Variants in MID1 observed in about 807,000 individuals in gnomAD.
The protein encoded by MID1 is E3 ubiquitin-protein ligase Midline-1.
In MID1, 7 loss-of-function variants were observed where a neutral mutation model predicts 40.4. The ratio of observed to expected loss-of-function variants is 0.17; its 90% CI spans 0.10 to 0.33. The LOEUF is 0.33. Among genes scored for constraint, MID1 ranks in the 10% least tolerant of loss-of-function variants. The pLI is 1.00. For missense variants in MID1, 367 were observed against 558.5 expected (o/e 0.66, Z 3.46); for synonymous variants, 229 against 221.2 (o/e 1.04, Z -0.31).
At chrX:10,716,741 G>A (rs2043306794) in intron 1 of MID1, among the ~76,000 whole-genome samples, 1 of 111,419 alleles carries the variant, frequency 9.0e-6, no homozygotes, top group South Asian at 3.8e-4. Context: ...ACACATAATT[G>A]TCAGATTCAC....
rs183385106 is a variant in MID1 at position 10,586,798 on chromosome X, G to C, written c.-56-19195C>G. On this transcript the variant is annotated intron_variant, in intron 1 of 9. Coordinates refer to ENST00000317552, the MANE Select transcript of MID1 (RefSeq NM_000381.4). ...CCCGTCTAGTTGTTTTGAGAGATAG[G>C]CCACTGGCCTTGGCCAGGGCCTTAC... Among the ~76,000 whole-genome samples, 447 of 112,746 alleles carry C rather than the reference G, an allele frequency of 4.0e-3. 1 individual carries two copies. Among genetic ancestry groups the C allele is most frequent in the Non-Finnish European group, 6.2e-3 (333 of 53,334 alleles).
At chrX:10,814,198 C>T (rs2147154467) in intron 1 of MID1, among the ~76,000 whole-genome samples, 1 of 111,701 alleles carries the variant, frequency 9.0e-6, no homozygotes, top group African/African-American at 3.3e-5. Flanking sequence ...CCAATCCCTG[C>T]TCCAGAGGAT....
chrX:10,650,860 T>C (rs1438753272), intron 1 of MID1, among the ~76,000 whole-genome samples: 1 of 110,769 alleles, frequency 9.0e-6, no homozygotes, highest in Non-Finnish European at 1.9e-5. Context: ...CCTTTGCCCC[T>C]ACAACCTTGA....
At chrX:10,657,409 A>T (rs1479831729) in intron 1 of MID1, among the ~76,000 whole-genome samples, 1 of 111,701 alleles carries the variant, frequency 9.0e-6, no homozygotes. Flanking sequence ...ATCTATGGAG[A>T]TGGTAACAAT....
At chrX:10,661,675 TA>T (rs2042914368) in intron 1 of MID1, among the ~76,000 whole-genome samples, 1 of 111,890 alleles carries the variant, frequency 8.9e-6, no homozygotes, top group African/African-American at 3.2e-5. Flanking sequence ...TCATACCTAA[TA>T]AAAATATATT....
intron 1 of MID1, among the ~76,000 whole-genome samples, chrX:10,740,447 A>G (rs1232013068): frequency 8.9e-6 from 1 of 112,627 alleles, no homozygotes; most frequent in Non-Finnish European, 1.9e-5. Flanking sequence ...GTGATGCCAT[A>G]TGACTGACGG....
At chrX:10,543,432 T>C (rs1236775396) in intron 2 of MID1, among the ~76,000 whole-genome samples, 1 of 111,939 alleles carries the variant, frequency 8.9e-6, no homozygotes, top group South Asian at 3.8e-4. Flanking sequence ...GCAGTAACAA[T>C]AGCAGCTACC....
rs770764670 is a variant in MID1 at position 10,463,633 on chromosome X, C to T, written c.1286-3826G>A. On this transcript the variant is annotated intron_variant, in intron 7 of 9. Coordinates refer to ENST00000317552, the MANE Select transcript of MID1 (RefSeq NM_000381.4). ...ATGCAATTATGGGGTGAGTACAGTC[C>T]GTATTTTTGTAGGAATAATAACTTT... 6.2e-5 allele frequency among the ~76,000 whole-genome samples: 7 copies of T among 112,138 alleles called. No homozygotes were observed. In the South Asian group the frequency reaches 1.8e-3, roughly 29 times the overall value.
At chrX:10,655,409 T>C (rs1443302312) in intron 1 of MID1, among the ~76,000 whole-genome samples, 3 of 110,997 alleles carry the variant, frequency 2.7e-5, no homozygotes, top group African/African-American at 9.8e-5. Flanking sequence ...TATGATGCAG[T>C]GAGGATGTGA....
intron 1 of MID1, among the ~76,000 whole-genome samples, chrX:10,676,834 G>C (rs1339756985): frequency 9.0e-6 from 1 of 111,264 alleles, no homozygotes; most frequent in Non-Finnish European, 1.9e-5. Context: ...TCATCGACTG[G>C]AATACGATAG....
chrX:10,798,658 T>C (rs2043983835), intron 1 of MID1, among the ~76,000 whole-genome samples: 1 of 111,493 alleles, frequency 9.0e-6, no homozygotes, highest in Admixed American at 9.6e-5. Context: ...TCTGAGCTCA[T>C]CAGTCCCCTT....
intron 6 of MID1, among the ~76,000 whole-genome samples, chrX:10,473,468 T>G (rs185077379): frequency 8.9e-6 from 1 of 112,197 alleles, no homozygotes; most frequent in African/African-American, 3.2e-5. Context: ...AAACGGCACA[T>G]TGGGTCCTCG....
intron 1 of MID1, among the ~76,000 whole-genome samples, chrX:10,752,723 A>G (rs1303448161): frequency 2.7e-5 from 3 of 111,704 alleles, no homozygotes; most frequent in Non-Finnish European, 5.6e-5. Flanking sequence ...TTAGGTGAGG[A>G]CAGGTTTTTC....
chrX:10,497,012 A>G (rs1171942862), intron 3 of MID1, among the ~76,000 whole-genome samples: 2 of 112,576 alleles, frequency 1.8e-5, no homozygotes, highest in East Asian at 5.6e-4. Flanking sequence ...TGTGGAACTC[A>G]GGCTAATATT....
intron 1 of MID1, among the ~76,000 whole-genome samples, chrX:10,611,558 C>A (rs187471374): frequency 9.0e-6 from 1 of 111,084 alleles, no homozygotes; most frequent in African/African-American, 3.3e-5. Flanking sequence ...TCTATTCCAT[C>A]CCCATAAGAC....
chrX:10,492,949 A>C lies in MID1; in HGVS notation c.864+2635T>G, dbSNP rs1397694381. Among the ~76,000 whole-genome samples, 3 of 112,145 alleles carry C rather than the reference A, an allele frequency of 2.7e-5. No individual in the cohort carries two copies. The Admixed American group carries it at 2.8e-4, about 11-fold the overall frequency. On this transcript the variant is annotated intron_variant, in intron 4 of 9. Coordinates refer to ENST00000317552, the MANE Select transcript of MID1 (RefSeq NM_000381.4). ...ACTTGGGGACACCTGCACTACTCTG[A>C]TCTAGCTCATGAGAGAAACCCTGGT...
At chrX:10,547,648 G>GAGAAA (rs1204811450) in intron 2 of MID1, among the ~76,000 whole-genome samples, 1 of 92,839 alleles carries the variant, frequency 1.1e-5, no homozygotes, top group Non-Finnish European at 2.2e-5. Flanking sequence ...AGGAAGGAAA[G>GAGAAA]AGAAAAGAAA....
At chrX:10,533,382 G>A (rs200333995) in intron 2 of MID1, among the ~76,000 whole-genome samples, 264 of 32,509 alleles carry the variant, frequency 8.1e-3, no homozygotes, top group Middle Eastern at 0.029. Flanking sequence ...GAAAGAAAAA[G>A]AAAGAAAGAA....
chrX:10,657,047 A>G lies in MID1; in HGVS notation c.-186-36628T>C, dbSNP rs12011000. Among the ~76,000 whole-genome samples, 359 of 111,297 alleles carry G rather than the reference A, an allele frequency of 3.2e-3. 2 individuals are homozygous for G. Among genetic ancestry groups the G allele is most frequent in the African/African-American group, 0.011 (345 of 30,567 alleles). ...CAGCTTTGCTTGCATATGGCAGCCC[A>G]GAAGTGCTGGAGAATTAATGTCTCC... is the stretch of plus-strand genomic sequence containing the variant. On this transcript the variant is annotated intron_variant, in intron 1 of 10. Coordinates refer to the MID1 transcript ENST00000380785.
Sources: allele counts gnomAD v4.1 joint callset (sites outside exome capture counted in the v4.1 genomes callset), GRCh38; gene constraint gnomAD v4.1.1; transcripts MANE v1.5; gene names NCBI Gene and HGNC (gene_info 2026-07-23, HGNC 2026-07-21).